Variants in PRSS23 observed in about 807,000 individuals in gnomAD.
PRSS23 encodes serine protease 23, also known as protease, serine 23.
Under a neutral mutation model 34.7 loss-of-function variants are expected in PRSS23, and 25 were observed. The ratio of observed to expected loss-of-function variants is 0.72; its 90% CI spans 0.53 to 1.01. The LOEUF is 1.01. Among genes scored for constraint, PRSS23 ranks in the 50% least tolerant of loss-of-function variants. The probability of loss-of-function intolerance (pLI) is 0.00; values close to 1 mark genes in which losing one functional copy is unlikely to be tolerated. For missense variants in PRSS23, 445 were observed against 475.6 expected (o/e 0.94, Z 0.60); for synonymous variants, 176 against 186.6 (o/e 0.94, Z 0.46).
At chr11:86,829,323 G>A (rs893651866) in intron 2 of PRSS23, among the ~76,000 whole-genome samples, 1 of 151,980 alleles carries the variant, frequency 6.6e-6, no homozygotes, top group African/African-American at 2.4e-5. Flanking sequence ...TGTAGTTCTC[G>A]AGCTTTGGCT....
intron 2 of PRSS23, among the ~76,000 whole-genome samples, chr11:86,874,464 G>A (rs1948709211): frequency 6.6e-6 from 1 of 152,216 alleles, no homozygotes; most frequent in Admixed American, 6.5e-5. Flanking sequence ...TGTATTCAGT[G>A]TAACACAGTA....
At chr11:86,884,344 G>C (rs1008028992) in intron 2 of PRSS23, among the ~76,000 whole-genome samples, 2 of 152,144 alleles carry the variant, frequency 1.3e-5, no homozygotes, top group Admixed American at 1.3e-4. Flanking sequence ...CTGTCACCCA[G>C]GCTGGAATGC....
chr11:86,915,470 G>A (rs982003398), intron 2 of PRSS23, among the ~76,000 whole-genome samples: 1 of 151,116 alleles, frequency 6.6e-6, no homozygotes, highest in Non-Finnish European at 1.5e-5. Flanking sequence ...AAGGAAATGA[G>A]ATAATGTAAG....
At chr11:86,897,758 ACACCTGACCAGTTTATGG>A (rs2134980252) in intron 2 of PRSS23, among the ~76,000 whole-genome samples, 1 of 152,288 alleles carries the variant, frequency 6.6e-6, no homozygotes, top group South Asian at 2.1e-4. Context: ...GTGAGCCACC[ACACCTGACCAGTTTATGG>A]TAACTCTTGC....
rs772334903 is a variant in PRSS23, at chr11:86,807,949, C to G, written c.306C>G (p.Gly102=). The change falls in exon 2 of 2, where the codon GGC becomes GGG. Residue 102 remains glycine (G), a synonymous_variant. Coordinates refer to ENST00000280258, the MANE Select transcript of PRSS23 (RefSeq NM_007173.6). ...ANGSRTETQV[G]IYILSSSGDG... ...GCAGCCGCACAGAGACGCAGGTGGG[C>G]ATCTACATCCTCAGCAGTAGTGGAG... is the stretch of plus-strand genomic sequence containing the variant. The G allele has an allele frequency of 6.2e-7, 1 of 1,614,128 alleles. No individual in the cohort carries two copies.
intron 2 of PRSS23, among the ~76,000 whole-genome samples, chr11:86,886,485 C>G (rs1948803412): frequency 6.6e-6 from 1 of 152,188 alleles, no homozygotes; most frequent in Non-Finnish European, 1.5e-5. Context: ...GTTTCTCTGT[C>G]TGCCCAAATC....
At chr11:86,942,495 G>T (rs1039697392) in intron 2 of PRSS23, among the ~76,000 whole-genome samples, 1 of 152,180 alleles carries the variant, frequency 6.6e-6, no homozygotes, top group African/African-American at 2.4e-5. Context: ...AAAGAGAAAG[G>T]CATTGATAAT....
At chr11:86,935,517 A>G (rs1949155602) in intron 2 of PRSS23, 1 of 152,138 alleles carries the variant, frequency 6.6e-6, no homozygotes, top group Admixed American at 6.5e-5. Flanking sequence ...GTCTTTTCAC[A>G]TGAATGTTAT....
intron 1 of PRSS23, among the ~76,000 whole-genome samples, chr11:86,793,717 G>T (rs1247480139): frequency 2.0e-5 from 3 of 152,000 alleles, no homozygotes; most frequent in African/African-American, 7.2e-5. Flanking sequence ...TAACCAATTA[G>T]AATTTTATTC....
In PRSS23 at chr11:86,831,947, C is replaced by A. The variant is rs576488594; in HGVS notation, c.206+8354C>A. ...CTCCTCATGTTCCAGTGTGTGTACA[C>A]CCTGTGATATTATTCGTAATATCCT... On this transcript the variant is annotated intron_variant, in intron 2 of 2. Transcript: ENST00000533902. Among the ~76,000 whole-genome samples the A allele has an allele frequency of 5.3e-5, 8 of 152,020 alleles. No individual in the cohort carries two copies. The South Asian group carries it at 1.0e-3, about 20-fold the overall frequency.
chr11:86,928,062 C>A (rs1369483240), intron 2 of PRSS23, among the ~76,000 whole-genome samples: 1 of 150,952 alleles, frequency 6.6e-6, no homozygotes, highest in African/African-American at 2.4e-5. Flanking sequence ...TTTATTTAGC[C>A]TACATAGATG....
intron 2 of PRSS23, among the ~76,000 whole-genome samples, chr11:86,888,311 T>C (rs1226027114): frequency 6.6e-6 from 1 of 152,174 alleles, no homozygotes; most frequent in Admixed American, 6.5e-5. Context: ...ACACATGCTA[T>C]TGTTTGCTTT....
At chr11:86,821,811 G>T in intron 1 of PRSS23, 1 of 737,010 alleles carries the variant, frequency 1.4e-6, no homozygotes, top group South Asian at 1.9e-5. Flanking sequence ...CCTCCGCCAT[G>T]ACCATAGTGT....
intron 1 of PRSS23, among the ~76,000 whole-genome samples, chr11:86,802,536 A>C (rs1257852097): frequency 6.6e-6 from 1 of 152,190 alleles, no homozygotes. Flanking sequence ...CATATCACTG[A>C]CCACTGATTC....
At chr11:86,874,801 T>C (rs1183287808) in intron 2 of PRSS23, among the ~76,000 whole-genome samples, 2 of 152,176 alleles carry the variant, frequency 1.3e-5, no homozygotes, top group Admixed American at 1.3e-4. Flanking sequence ...TGAGGCCTCA[T>C]CTGGGATGCA....
intron 2 of PRSS23, chr11:86,833,473 G>A (rs1948377419): frequency 8.4e-6 from 3 of 358,868 alleles, no homozygotes; most frequent in East Asian, 6.4e-5. Context: ...GTTCGGACAT[G>A]TATATATATA....
intron 2 of PRSS23, chr11:86,948,715 GTTA>G (rs1949264635): frequency 6.6e-6 from 1 of 152,186 alleles, no homozygotes; most frequent in Non-Finnish European, 1.5e-5. Flanking sequence ...CTCTTTTATT[GTTA>G]TTATTTAGTC....
rs1044373875 is a variant in PRSS23, at chr11:86,867,114, A to G, written c.206+43521A>G. On this transcript the variant is annotated intron_variant, in intron 2 of 2. Coordinates refer to the PRSS23 transcript ENST00000533902. ...GAACCAGGGTATCTAATCTAGCTTC[A>G]TCCCCGAGCAGAAATGTCTTCACAT... is the stretch of plus-strand genomic sequence containing the variant. Among the ~76,000 whole-genome samples, 5 of 152,198 alleles carry G rather than the reference A, an allele frequency of 3.3e-5. No individual in the cohort carries two copies. In the East Asian group the frequency reaches 9.6e-4, roughly 29 times the overall value.
chr11:86,911,977 A>G (rs1207312513), intron 2 of PRSS23: 3 of 152,226 alleles, frequency 2.0e-5, no homozygotes, highest in Non-Finnish European at 4.4e-5. Flanking sequence ...GGGTTTCCCT[A>G]TGTTGCCCAG....
Sources: allele counts gnomAD v4.1 joint callset (sites outside exome capture counted in the v4.1 genomes callset), GRCh38; gene constraint gnomAD v4.1.1; transcripts MANE v1.5; gene names NCBI Gene and HGNC (gene_info 2026-07-23, HGNC 2026-07-21).